The following CIMIP4 variants were observed in gnomAD, a reference collection of about 807,000 sequenced individuals.
The protein encoded by CIMIP4 is protein EAN57.
At chr22:37,007,118 C>A in the CIMIP4 span, among the ~76,000 whole-genome samples, 1 of 152,150 alleles carries the variant, frequency 6.6e-6, no homozygotes, top group Non-Finnish European at 1.5e-5. Context: ...GACCCTGGGA[C>A]AGAAAAATCA....
chr22:36,994,870 TC>T, the CIMIP4 span, among the ~76,000 whole-genome samples: 1 of 151,976 alleles, frequency 6.6e-6, no homozygotes, highest in Non-Finnish European at 1.5e-5. Context: ...GACCTCATGA[TC>T]CACCCGCCTC....
chr22:36,997,561 C>G, the CIMIP4 span, among the ~76,000 whole-genome samples: 1 of 152,210 alleles, frequency 6.6e-6, no homozygotes, highest in Non-Finnish European at 1.5e-5. Flanking sequence ...CGCAGGTGCA[C>G]TAGCCCAGCT....
the CIMIP4 span, among the ~76,000 whole-genome samples, chr22:37,002,867 C>T: frequency 6.6e-6 from 1 of 152,160 alleles, no homozygotes; most frequent in African/African-American, 2.4e-5. Flanking sequence ...CTCCTCCCTT[C>T]GCCAGGGCTG....
the CIMIP4 span, chr22:37,002,021 G>A: frequency 2.5e-4 from 410 of 1,612,320 alleles, 3 homozygotes; most frequent in African/African-American, 3.7e-3. Context: ...GTTCTCTCTC[G>A]AGGAGGATCG....
At chr22:37,005,356 A>G in the CIMIP4 span, among the ~76,000 whole-genome samples, 12 of 152,320 alleles carry the variant, frequency 7.9e-5, no homozygotes, top group Admixed American at 3.3e-4. Context: ...TGTTTTAAAC[A>G]TACAGTGTCA....
chr22:36,999,302 C>CAA, the CIMIP4 span, among the ~76,000 whole-genome samples: 193 of 106,816 alleles, frequency 1.8e-3, 2 homozygotes, highest in African/African-American at 5.8e-3. Context: ...AGCAAAAATA[C>CAA]AAAAAAAAAA....
the CIMIP4 span, chr22:37,002,186 G>C: frequency 1.3e-6 from 2 of 1,489,656 alleles, no homozygotes; most frequent in Admixed American, 5.0e-5. Flanking sequence ...CTGTGGGGAT[G>C]ACAGACCCTG....
the CIMIP4 span, among the ~76,000 whole-genome samples, chr22:36,992,137 A>G: frequency 3.3e-5 from 5 of 152,172 alleles, no homozygotes; most frequent in East Asian, 3.9e-4. Context: ...TCACGAGGTC[A>G]GGGGTTCGAG....
chr22:37,001,296 C>G, the CIMIP4 span, among the ~76,000 whole-genome samples: 1 of 151,706 alleles, frequency 6.6e-6, no homozygotes, highest in African/African-American at 2.4e-5. Flanking sequence ...GCAACTGCCT[C>G]GCTTTACAGA....
chr22:36,994,512 G>A, the CIMIP4 span, among the ~76,000 whole-genome samples: 1 of 151,998 alleles, frequency 6.6e-6, no homozygotes, highest in African/African-American at 2.4e-5. Context: ...TTTTAGTAGA[G>A]ACATGCGCCA....
At chr22:36,992,889 T>C in the CIMIP4 span, among the ~76,000 whole-genome samples, 1 of 150,640 alleles carries the variant, frequency 6.6e-6, no homozygotes, top group African/African-American at 2.4e-5. Context: ...AGAATATATA[T>C]ATAAATTCTA....
the CIMIP4 span, among the ~76,000 whole-genome samples, chr22:36,993,737 A>AG: frequency 6.6e-6 from 1 of 152,102 alleles, no homozygotes; most frequent in Non-Finnish European, 1.5e-5. Flanking sequence ...TCAAAAAAAA[A>AG]GAAAAGAAAA....
At chr22:37,006,170 A>G in the CIMIP4 span, among the ~76,000 whole-genome samples, 66,995 of 152,022 alleles carry the variant, frequency 0.44, 14,895 homozygotes, top group East Asian at 0.53. Flanking sequence ...CTGTTGAGAA[A>G]ATAACATCAG....
the CIMIP4 span, among the ~76,000 whole-genome samples, chr22:36,993,194 T>A: frequency 2.0e-5 from 3 of 151,600 alleles, no homozygotes; most frequent in Admixed American, 6.6e-5. Context: ...GTATTTTTAG[T>A]AGAGACGGGG....
the CIMIP4 span, among the ~76,000 whole-genome samples, chr22:36,996,759 T>C: frequency 2.6e-5 from 4 of 152,098 alleles, no homozygotes; most frequent in East Asian, 7.7e-4. Flanking sequence ...GGGGTGGTAG[T>C]GGGAGTATTG....
At chr22:37,003,949 T>C in the CIMIP4 span, 14 of 1,548,568 alleles carry the variant, frequency 9.0e-6, no homozygotes, top group Non-Finnish European at 1.2e-5. Flanking sequence ...AGCACATCCC[T>C]GGTCTGCCTG....
At chr22:36,991,434 G>A in the CIMIP4 span, 24 of 1,589,036 alleles carry the variant, frequency 1.5e-5, no homozygotes, top group African/African-American at 2.1e-4. Context: ...ACACCCTGCT[G>A]GTGGAGGACA....
chr22:37,004,214 C>A, the CIMIP4 span, among the ~76,000 whole-genome samples: 1 of 152,174 alleles, frequency 6.6e-6, no homozygotes, highest in Non-Finnish European at 1.5e-5. Flanking sequence ...TCACTCATCA[C>A]CCCTGGCACA....
At chr22:36,996,842 G>C in the CIMIP4 span, among the ~76,000 whole-genome samples, 1 of 152,170 alleles carries the variant, frequency 6.6e-6, no homozygotes, top group African/African-American at 2.4e-5. Context: ...GGACAGAATA[G>C]AGCCTGAAAC....
Sources: allele counts gnomAD v4.1 joint callset (sites outside exome capture counted in the v4.1 genomes callset), GRCh38; gene constraint gnomAD v4.1.1; transcripts MANE v1.5; gene names NCBI Gene and HGNC (gene_info 2026-07-23, HGNC 2026-07-21).